The following RARB variants were observed in gnomAD, a reference collection of about 807,000 sequenced individuals.
RARB encodes the protein retinoic acid receptor beta.
In RARB, 17 loss-of-function variants were observed where a neutral mutation model predicts 51.9. That is an observed-to-expected ratio of 0.33 (90% CI 0.22 to 0.49). The LOEUF is 0.49. RARB is among the 20% of genes least tolerant of loss of function. The pLI, the probability that RARB is intolerant of heterozygous loss-of-function variation, is 0.99. For missense variants in RARB, 369 were observed against 550.8 expected, an observed-to-expected ratio of 0.67 and a Z score of 3.30; for synonymous variants, 215 against 195.4, an observed-to-expected ratio of 1.10 and a Z score of -0.84.
intron 2 of RARB, among the ~76,000 whole-genome samples, chr3:25,000,563 C>T (rs557278090): frequency 2.4e-4 from 36 of 152,150 alleles, no homozygotes; most frequent in African/African-American, 8.2e-4. Context: ...TTTTAAAAAT[C>T]TTTTAAAATT....
At chr3:25,023,258 A>C (rs1037774958) in intron 2 of RARB, among the ~76,000 whole-genome samples, 2 of 152,200 alleles carry the variant, frequency 1.3e-5, no homozygotes, top group African/African-American at 4.8e-5. Context: ...CTCCACAGTA[A>C]TGTGAGAAAA....
chr3:25,074,655 T>C (rs987115854), intron 3 of RARB, among the ~76,000 whole-genome samples: 1 of 152,198 alleles, frequency 6.6e-6, no homozygotes, highest in African/African-American at 2.4e-5. Context: ...AGTTGATTAA[T>C]TTCTTGAAGA....
chr3:24,834,530 C>T (rs1345140242), intron 1 of RARB, among the ~76,000 whole-genome samples: 2 of 152,158 alleles, frequency 1.3e-5, no homozygotes, highest in Non-Finnish European at 2.9e-5. Context: ...CCCTCTTTCA[C>T]TAGGAAGCCA....
At chr3:25,465,553 T>A (rs1695388661) in intron 2 of RARB, among the ~76,000 whole-genome samples, 1 of 152,214 alleles carries the variant, frequency 6.6e-6, no homozygotes, top group Non-Finnish European at 1.5e-5. Context: ...TCCTAGGGAC[T>A]GGGTGACAGT....
chr3:25,230,311 A>G (rs1449950494), intron 5 of RARB, among the ~76,000 whole-genome samples: 3 of 152,120 alleles, frequency 2.0e-5, no homozygotes, highest in Admixed American at 2.0e-4. Context: ...ATGGATTCCT[A>G]AGAAATGAAG....
intron 2 of RARB, among the ~76,000 whole-genome samples, chr3:24,863,955 A>G (rs556931849): frequency 9.4e-4 from 143 of 152,090 alleles, no homozygotes; most frequent in African/African-American, 3.2e-3. Context: ...TCTTGGCGCC[A>G]CCCTATCTCA....
At chr3:24,994,287 G>C (rs1318872881) in intron 2 of RARB, among the ~76,000 whole-genome samples, 1 of 142,106 alleles carries the variant, frequency 7.0e-6, no homozygotes, top group African/African-American at 2.7e-5. Flanking sequence ...TATATTTGTT[G>C]ATCACTTGTT....
intron 5 of RARB, among the ~76,000 whole-genome samples, chr3:25,347,708 A>G (rs1705435973): frequency 6.6e-6 from 1 of 152,182 alleles, no homozygotes; most frequent in African/African-American, 2.4e-5. Context: ...TTAAATCCAT[A>G]CCAGTTTTCA....
intron 2 of RARB, chr3:25,020,104 CTATTATTATTATTATTAT>C (rs869230918): frequency 1.3e-4 from 10 of 77,450 alleles, no homozygotes; most frequent in South Asian, 5.0e-4. Context: ...CTCAAGTTCT[CTATTATTATTATTATTAT>C]TATTATTATT....
At chr3:24,881,561 C>T (rs748067832) in intron 2 of RARB, among the ~76,000 whole-genome samples, 6 of 152,064 alleles carry the variant, frequency 3.9e-5, no homozygotes, top group African/African-American at 1.4e-4. Context: ...AAGAGAAAAT[C>T]TTGAATATTT....
At chr3:24,983,755 C>A (rs1241979756) in intron 2 of RARB, among the ~76,000 whole-genome samples, 1 of 151,914 alleles carries the variant, frequency 6.6e-6, no homozygotes, top group Non-Finnish European at 1.5e-5. Flanking sequence ...TCCTCTATGA[C>A]CTCAGCATCA....
chr3:25,559,880 T>G (rs951543426), intron 3 of RARB, among the ~76,000 whole-genome samples: 4 of 152,166 alleles, frequency 2.6e-5, no homozygotes, highest in African/African-American at 9.7e-5. Context: ...GACAGATGGA[T>G]GCATGGATGA....
chr3:25,428,915 A>T (rs768238601), intron 1 of RARB, 27 bp downstream of exon 1: 2 of 1,572,056 alleles, frequency 1.3e-6, no homozygotes, highest in South Asian at 2.3e-5. Flanking sequence ...CCCTTCTTCT[A>T]CCAAGAAAAA....
intron 5 of RARB, among the ~76,000 whole-genome samples, chr3:25,395,131 AAAC>A (rs1411315986): frequency 6.6e-6 from 1 of 152,114 alleles, no homozygotes; most frequent in Non-Finnish European, 1.5e-5. Flanking sequence ...ATTTGTTTGA[AAAC>A]AACTTTGTCT....
chr3:24,907,134 C>G (rs76507337), intron 2 of RARB, among the ~76,000 whole-genome samples: 9,207 of 152,048 alleles, frequency 0.061, 437 homozygotes, highest in East Asian at 0.15. Flanking sequence ...AGAATACTTA[C>G]GGTAGTTGAA....
chr3:25,229,357 A>C (rs9850632), intron 5 of RARB, among the ~76,000 whole-genome samples: 2,935 of 152,198 alleles, frequency 0.019, 90 homozygotes, highest in African/African-American at 0.067. Flanking sequence ...GAAGGTATTC[A>C]AAAAAACAAA....
chr3:25,294,086 T>A (rs950672991), intron 5 of RARB, among the ~76,000 whole-genome samples: 1 of 152,182 alleles, frequency 6.6e-6, no homozygotes, highest in Non-Finnish European at 1.5e-5. Flanking sequence ...GCAGCCTGTT[T>A]CCCAGGAAAG....
chr3:24,849,802 G>A (rs1274792823), intron 1 of RARB, among the ~76,000 whole-genome samples: 2 of 152,202 alleles, frequency 1.3e-5, no homozygotes, highest in Non-Finnish European at 2.9e-5. Flanking sequence ...ATCCTTGCAG[G>A]TGGAAATTCT....
chr3:25,389,888 C>G (rs1706900732), intron 5 of RARB, among the ~76,000 whole-genome samples: 2 of 152,100 alleles, frequency 1.3e-5, no homozygotes, highest in Admixed American at 1.3e-4. Flanking sequence ...ATATTTGAGT[C>G]TTGAACAAAA....
Sources: allele counts gnomAD v4.1 joint callset (sites outside exome capture counted in the v4.1 genomes callset), GRCh38; gene constraint gnomAD v4.1.1; transcripts MANE v1.5; gene names NCBI Gene and HGNC (gene_info 2026-07-23, HGNC 2026-07-21).